The following ZNHIT6 variants were observed in gnomAD, a reference collection of about 807,000 sequenced individuals.
ZNHIT6 encodes zinc finger HIT-type containing 6, also known as box C/D snoRNA protein 1.
In ZNHIT6, 45 loss-of-function variants were observed where a neutral mutation model predicts 57.2. The observed-to-expected ratio is 0.79, with a 90% CI of 0.62 to 1.01. The LOEUF is 1.01. ZNHIT6 is among the 50% of genes least tolerant of loss of function. The probability of loss-of-function intolerance (pLI) is 0.00; values close to 1 mark genes in which losing one functional copy is unlikely to be tolerated. For synonymous variants in ZNHIT6, 188 were observed against 190.0 expected, an observed-to-expected ratio of 0.99 and a Z score of 0.09; for missense variants, 528 against 567.3, an observed-to-expected ratio of 0.93 and a Z score of 0.70.
intron 8 of ZNHIT6, among the ~76,000 whole-genome samples, chr1:85,660,379 G>A (rs1661193110): frequency 6.6e-6 from 1 of 152,084 alleles, no homozygotes; most frequent in African/African-American, 2.4e-5. Context: ...ACTTGTTTCA[G>A]TTTTTGGTAA....
At position 85,683,096 on chromosome 1, in the gene ZNHIT6, A is replaced by G. The variant is rs113028604; in HGVS notation, c.1020-2192T>C. 3.3e-3 allele frequency among the ~76,000 whole-genome samples: 499 copies of G among 152,344 alleles called. 3 individuals are homozygous for G. The highest frequency in any genetic ancestry group is 0.011 in the African/African-American group (467 of 41,584). On this transcript the variant is annotated intron_variant, in intron 5 of 9. Transcript: ENST00000370574. Reference sequence around the variant, plus strand: ...GCCAGGCATGGTGGCGTATGCCTATAGTCCCAGCTACTCTGGAGGTTGAAG... The same window carrying G: ...GCCAGGCATGGTGGCGTATGCCTATGGTCCCAGCTACTCTGGAGGTTGAAG...
At chr1:85,704,618 AAAAATTGTAAAGT>A (rs1355358465) in intron 4 of ZNHIT6, among the ~76,000 whole-genome samples, 1 of 152,202 alleles carries the variant, frequency 6.6e-6, no homozygotes, top group Admixed American at 6.5e-5. Flanking sequence ...CAATTTAAAA[AAAAATTGTAAAGT>A]AATTTATCTT....
intron 5 of ZNHIT6, among the ~76,000 whole-genome samples, chr1:85,684,109 T>A (rs946608632): frequency 6.6e-6 from 1 of 152,220 alleles, no homozygotes; most frequent in Non-Finnish European, 1.5e-5. Flanking sequence ...AATGTCACTA[T>A]ACCCTTGGCA....
At chr1:85,662,544 T>A (rs1661254995) in intron 8 of ZNHIT6, among the ~76,000 whole-genome samples, 1 of 152,318 alleles carries the variant, frequency 6.6e-6, no homozygotes, top group South Asian at 2.1e-4. Flanking sequence ...CTTTAAAAGG[T>A]ATTATTTAAA....
intron 8 of ZNHIT6, among the ~76,000 whole-genome samples, chr1:85,672,911 C>T (rs1661601824): frequency 6.6e-6 from 1 of 151,832 alleles, no homozygotes; most frequent in African/African-American, 2.4e-5. Flanking sequence ...AAAATCCAGG[C>T]TTAAAATTTA....
intron 6 of ZNHIT6, 53 bp from the exon 7 acceptor site, chr1:85,678,834 TA>T: frequency 1.0e-6 from 1 of 1,004,224 alleles, no homozygotes; most frequent in Non-Finnish European, 1.4e-6. Context: ...AATTTTCTAC[TA>T]AAGGTGTTAA....
intron 5 of ZNHIT6, among the ~76,000 whole-genome samples, chr1:85,690,403 C>G (rs1662183141): frequency 6.6e-6 from 1 of 152,188 alleles, no homozygotes; most frequent in Non-Finnish European, 1.5e-5. Flanking sequence ...CCATCTTTCC[C>G]TCTGTCTAGA....
chr1:85,708,412 G>T lies in ZNHIT6; in HGVS notation c.-128C>A. 8.2e-7 allele frequency: 1 copy of T among 1,217,518 alleles called. No homozygotes were observed. The highest frequency in any genetic ancestry group is 1.1e-6 in the Non-Finnish European group (1 of 889,772). The allele number at this position is 1,217,518 out of a possible 1,614,324, so 75.4% of individuals were successfully genotyped here. A position where few individuals can be genotyped will look rare whatever the true frequency, so the allele number is the denominator to read the frequency against. On this transcript the variant is annotated 5_prime_UTR_variant, in exon 1 of 10. Coordinates refer to ENST00000370574, the MANE Select transcript of ZNHIT6 (RefSeq NM_017953.4). The stretch of plus-strand genomic sequence containing the variant: ...GTGGAGCCAAGCAGCCACAAACCCG[G>T]AATAGCCTGCTTGACGCGACTGCTC...
At position 85,653,167 on chromosome 1, in the gene ZNHIT6, C is replaced by A. The variant is rs988773413; in HGVS notation, c.*891G>T. 1 of 152,072 alleles carries A rather than the reference C, an allele frequency of 6.6e-6. No homozygotes were observed. Among genetic ancestry groups the A allele is most frequent in the African/African-American group, 2.4e-5 (1 of 41,404 alleles). The allele number at this position is 152,072 out of a possible 1,614,324, so 9.4% of individuals were successfully genotyped here. A position where few individuals can be genotyped will look rare whatever the true frequency, so the allele number is the denominator to read the frequency against. On this transcript the variant is annotated 3_prime_UTR_variant, in exon 10 of 10. Coordinates refer to ENST00000370574, the MANE Select transcript of ZNHIT6 (RefSeq NM_017953.4). The stretch of plus-strand genomic sequence containing the variant: ...GATCCAAATTTGTTATCACTAATGG[C>A]TCAAACAATGTGGAGCCACTGATTT...
intron 5 of ZNHIT6, among the ~76,000 whole-genome samples, chr1:85,696,176 T>A (rs1356567653): frequency 9.7e-5 from 5 of 51,436 alleles, no homozygotes; most frequent in African/African-American, 2.1e-4. Flanking sequence ...ATTAACTGCA[T>A]TTTTTTTTTT....
intron 8 of ZNHIT6, among the ~76,000 whole-genome samples, chr1:85,658,807 G>A (rs1661143829): frequency 6.6e-6 from 1 of 151,930 alleles, no homozygotes; most frequent in Non-Finnish European, 1.5e-5. Context: ...GGAGGCGGAG[G>A]CTGCAGTAAG....
rs779956525 is a variant in ZNHIT6 at position 85,657,885 on chromosome 1, A to G, written c.1334T>C (p.Leu445Ser). ...TTTCATGTCATTATTGGATCCTTTC[A>G]ATACCACATGTAATGTTGGATACTC... is the stretch of plus-strand genomic sequence containing the variant. ...IIEYPTLHVV[L>S]KGSNNDMKVL... The change falls in exon 9 of 10, where the codon TTG (leucine) becomes TCG (serine). Residue 445 changes from leucine to serine, a missense_variant. Physicochemically the swap from Leu to Ser is moderately radical, Grantham distance 145 (BLOSUM62 -2). Transcript: ENST00000370574. 1 of 1,608,714 alleles carries G rather than the reference A, an allele frequency of 6.2e-7. No homozygotes were observed. Among genetic ancestry groups the G allele is most frequent in the Non-Finnish European group, 8.5e-7 (1 of 1,177,512 alleles).
At chr1:85,694,778 A>T (rs1177418360) in intron 5 of ZNHIT6, among the ~76,000 whole-genome samples, 1 of 152,206 alleles carries the variant, frequency 6.6e-6, no homozygotes, top group African/African-American at 2.4e-5. Flanking sequence ...TTCATAATAA[A>T]ATATGGGAAA....
At chr1:85,656,097 A>G (rs559180363) in intron 9 of ZNHIT6, among the ~76,000 whole-genome samples, 47 of 152,300 alleles carry the variant, frequency 3.1e-4, no homozygotes, top group African/African-American at 1.1e-3. Context: ...TTCCCTCATC[A>G]AGGTATCACC....
At chr1:85,680,237 G>T (rs1057250353) in intron 6 of ZNHIT6, among the ~76,000 whole-genome samples, 7 of 152,114 alleles carry the variant, frequency 4.6e-5, no homozygotes, top group African/African-American at 1.7e-4. Context: ...AAAAAGAAAA[G>T]AACAAGTTTT....
chr1:85,654,000 A>G lies in ZNHIT6; in HGVS notation c.*58T>C. 2.0e-6 allele frequency: 3 copies of G among 1,478,700 alleles called. No homozygotes were observed. The highest frequency in any genetic ancestry group is 1.9e-6 in the Non-Finnish European group (2 of 1,063,458). 91.6% of individuals were successfully genotyped at this position (1,478,700 alleles called of 1,614,324 possible). On this transcript the variant is annotated 3_prime_UTR_variant, in exon 10 of 10. Transcript: ENST00000370574. ...ACCCCAATCAGCCAACAGCCCATCA[A>G]TGCAGAGTCTGCTGCAGTTGTCTGG...
chr1:85,658,025 A>G, intron 8 of ZNHIT6, 54 bp from the exon 9 acceptor site: 1 of 1,212,660 alleles, frequency 8.2e-7, no homozygotes, highest in African/African-American at 1.6e-5. Flanking sequence ...ATTCAAAATT[A>G]CTAATAGATA....
chr1:85,652,340 A>G lies in ZNHIT6; in HGVS notation c.*1718T>C, dbSNP rs900413427. On this transcript the variant is annotated 3_prime_UTR_variant, in exon 10 of 10. Transcript: ENST00000370574. ...TGCTGGTTTCAAGAAGACACATTTC[A>G]CTTTTGATTATAAATGAATTCCTTG... The G allele has an allele frequency of 8.5e-5, 13 of 152,150 alleles. No individual in the cohort carries two copies. Among genetic ancestry groups the G allele is most frequent in the African/African-American group, 3.1e-4 (13 of 41,446 alleles). The allele number at this position is 152,150 out of a possible 1,614,324, so 9.4% of individuals were successfully genotyped here.
chr1:85,687,297 AACAAAAAAAAAAAAC>A lies in ZNHIT6; in HGVS notation c.1020-6408_1020-6394del, dbSNP rs1557861043. 1.4e-3 allele frequency among the ~76,000 whole-genome samples: 189 copies of A among 132,722 alleles called. 15 individuals are homozygous for A. Among genetic ancestry groups the A allele is most frequent in the East Asian group, 4.6e-3 (18 of 3,946 alleles). The allele number at this position is 132,722 out of a possible 152,430, so 87.1% of individuals were successfully genotyped here. A position where few individuals can be genotyped will look rare whatever the true frequency, so the allele number is the denominator to read the frequency against. ...AGACTATCTCAAAAAACAAAAAAAA[AACAAAAAAAAAAAAC>A]AATTTAGAACCCAGTACTCAAAAAT... On this transcript the variant is annotated intron_variant, in intron 5 of 9. Coordinates refer to ENST00000370574, the MANE Select transcript of ZNHIT6 (RefSeq NM_017953.4).
Sources: gnomAD v4.1 joint callset for allele counts (sites outside exome capture counted in the v4.1 genomes callset) on GRCh38, gnomAD v4.1.1 for gene constraint, MANE v1.5 for transcripts, NCBI Gene and HGNC (gene_info 2026-07-23, HGNC 2026-07-21) for gene names.